Variants in CYGB observed in about 807,000 individuals in gnomAD.
CYGB encodes the protein histoglobin.
In CYGB, 13 loss-of-function variants were observed where a neutral mutation model predicts 20.7. The ratio of observed to expected loss-of-function variants is 0.63; its 90% CI spans 0.41 to 1.00. The LOEUF is 1.00. Among genes scored for constraint, CYGB ranks in the 50% least tolerant of loss-of-function variants. The probability of loss-of-function intolerance (pLI) is 0.00; values close to 1 mark genes in which losing one functional copy is unlikely to be tolerated. For missense variants in CYGB, 218 were observed against 257.2 expected (o/e 0.85, Z 1.04); for synonymous variants, 93 against 107.4 (o/e 0.87, Z 0.83).
chr17:76,529,047 C>G (rs942701616), intron 3 of CYGB: 4 of 327,468 alleles, frequency 1.2e-5, no homozygotes, highest in Non-Finnish European at 1.4e-5. Context: ...TCATTGCGCC[C>G]CCCCCCCACC....
chr17:76,542,586 TGCAGGTG>T, upstream of CYGB: 1 of 1,614,022 alleles, frequency 6.2e-7, no homozygotes, highest in Non-Finnish European at 8.5e-7. Context: ...CCCTCACCTC[TGCAGGTG>T]GGGCTCAGGC....
chr17:76,527,746 G>C lies in CYGB; in HGVS notation c.*832C>G. 2 of 454,010 alleles carry C rather than the reference G, an allele frequency of 4.4e-6. 1 individual carries two copies. Among genetic ancestry groups the C allele is most frequent in the South Asian group, 3.1e-5 (2 of 64,474 alleles). The allele number at this position is 454,010 out of a possible 1,614,324, so 28.1% of individuals were successfully genotyped here. On this transcript the variant is annotated 3_prime_UTR_variant, in exon 4 of 4. Coordinates refer to ENST00000293230, the MANE Select transcript of CYGB (RefSeq NM_134268.5). ...GGTGGCCAAGGCAGGTGGAGCTAGCGGTCGAGGTTTCTGGACTGAGGCCCC... is the reference window on the plus strand; with the variant it reads ...GGTGGCCAAGGCAGGTGGAGCTAGCCGTCGAGGTTTCTGGACTGAGGCCCC...
chr17:76,539,609 T>A (rs1018778239), upstream of CYGB, among the ~76,000 whole-genome samples: 2 of 152,206 alleles, frequency 1.3e-5, no homozygotes, highest in African/African-American at 4.8e-5. Flanking sequence ...TTGCTTCACC[T>A]CCATTCACCT....
intron 1 of CYGB, among the ~76,000 whole-genome samples, chr17:76,535,678 A>T (rs2074906158): frequency 6.6e-6 from 1 of 152,192 alleles, no homozygotes; most frequent in African/African-American, 2.4e-5. Context: ...GAACTGGAAG[A>T]GGGGTGTAGA....
Position 76,528,402 on chromosome 17 carries a change from C to T in CYGB, c.*176G>A. 1 of 524,232 alleles carries T rather than the reference C, an allele frequency of 1.9e-6. No homozygotes were observed. Among genetic ancestry groups the T allele is most frequent in the East Asian group, 3.5e-5 (1 of 28,560 alleles). The allele number at this position is 524,232 out of a possible 1,614,324, so 32.5% of individuals were successfully genotyped here. ...GGGTCAGCATCCAGGCAGCCAGCGC[C>T]GCCTCCCAGCAGCTCCAGGGGGGGA... On this transcript the variant is annotated 3_prime_UTR_variant, in exon 4 of 4. Transcript: ENST00000293230. The surrounding 1 kb of genome is among the most constrained non-coding windows in gnomAD (Gnocchi z 5.8).
At chr17:76,542,026 C>T (rs2074997839), upstream of CYGB, among the ~76,000 whole-genome samples, 2 of 152,082 alleles carry the variant, frequency 1.3e-5, no homozygotes, top group Non-Finnish European at 2.9e-5. Context: ...GCTCAGTAAC[C>T]CCAGAGGATT....
chr17:76,529,398 G>A (rs186085584), intron 3 of CYGB: 14 of 985,416 alleles, frequency 1.4e-5, no homozygotes, highest in Non-Finnish European at 1.6e-5. Context: ...AGGAGACTTC[G>A]GCCGTTTCAA....
At position 76,531,448 on chromosome 17, in the gene CYGB, G is replaced by T. The variant is rs753756272; in HGVS notation, c.375+12C>A. 6 of 1,596,952 alleles carry T rather than the reference G, an allele frequency of 3.8e-6. No homozygotes were observed. In the African/African-American group the frequency reaches 5.4e-5, roughly 14 times the overall value. On this transcript the variant is annotated intron_variant, in intron 2 of 3. Coordinates refer to ENST00000293230, the MANE Select transcript of CYGB (RefSeq NM_134268.5). This position sits in a 1 kb window ranked among gnomAD's most constrained non-coding sequence, Gnocchi z 7.4. ...GGGCGGTGGGGGCTCTGCAGCAGAT[G>T]GGGGCGCATACCTTGAAGTACACCG...
Position 76,531,455 on chromosome 17 carries a change from C to T in CYGB, c.375+5G>A, listed in dbSNP as rs1230592162. Reference sequence around the variant, plus strand: ...GGGGGCTCTGCAGCAGATGGGGGCGCATACCTTGAAGTACACCGGTTCCAC... The same window carrying T: ...GGGGGCTCTGCAGCAGATGGGGGCGTATACCTTGAAGTACACCGGTTCCAC... On this transcript the variant is annotated splice_donor_5th_base_variant and intron_variant, in intron 2 of 3. Transcript: ENST00000293230. The surrounding 1 kb of genome is among the most constrained non-coding windows in gnomAD (Gnocchi z 7.4). 1.2e-6 allele frequency: 2 copies of T among 1,601,102 alleles called. No homozygotes were observed. The highest frequency in any genetic ancestry group is 4.5e-5 in the East Asian group (2 of 44,440).
chr17:76,534,110 T>C (rs1487658638), intron 1 of CYGB, among the ~76,000 whole-genome samples: 1 of 147,978 alleles, frequency 6.8e-6, no homozygotes, highest in Non-Finnish European at 1.5e-5. Context: ...TTTCTTTCTT[T>C]CTTCTTTCTT....
In CYGB at chr17:76,537,537, C is replaced by T. The variant is rs2074933201; in HGVS notation, c.6G>A (p.Glu2=). ...CGATCTCCATCTCGCCTGGCACTTT[C>T]TCCATGAGCAGCTCCAAGCCCAGCC... M[E]KVPGEMEIER... Residue 2 remains glutamate (E), a synonymous_variant, in exon 1 of 4, where the codon GAG becomes GAA. Coordinates refer to ENST00000293230, the MANE Select transcript of CYGB (RefSeq NM_134268.5). 1 of 1,548,810 alleles carries T rather than the reference C, an allele frequency of 6.5e-7. No individual in the cohort carries two copies. The highest frequency in any genetic ancestry group is 1.9e-5 in the Admixed American group (1 of 53,382).
upstream of CYGB, among the ~76,000 whole-genome samples, chr17:76,542,276 C>T (rs551764542): frequency 1.6e-4 from 25 of 152,292 alleles, no homozygotes; most frequent in South Asian, 5.0e-3. Context: ...CAGAAGGAAG[C>T]AGTTGCCTAT....
In CYGB at chr17:76,530,420, A is replaced by G. The variant is rs563274569; in HGVS notation, c.539+559T>C. On this transcript the variant is annotated intron_variant, in intron 3 of 3. Coordinates refer to ENST00000293230, the MANE Select transcript of CYGB (RefSeq NM_134268.5). This position sits in a 1 kb window ranked among gnomAD's most constrained non-coding sequence, Gnocchi z 6.1. ...CCTCCAGGTCAGCCTGGAAGTAAAC[A>G]TGCCCCTGCTCGTGTGCGTGTGAGC... 2.5e-4 allele frequency among the ~76,000 whole-genome samples: 38 copies of G among 152,200 alleles called. No individual in the cohort carries two copies. Among genetic ancestry groups the G allele is most frequent in the African/African-American group, 7.9e-4 (33 of 41,540 alleles).
chr17:76,530,438 G>A lies in CYGB; in HGVS notation c.539+541C>T, dbSNP rs1420754760. 2.0e-5 allele frequency among the ~76,000 whole-genome samples: 3 copies of A among 150,946 alleles called. No individual in the cohort carries two copies. The highest frequency in any genetic ancestry group is 3.0e-5 in the Non-Finnish European group (2 of 67,084). ...AGTAAACATGCCCCTGCTCGTGTGCGTGTGAGCGACACCCATGTAGCTTCC... is the reference window on the plus strand; with the variant it reads ...AGTAAACATGCCCCTGCTCGTGTGCATGTGAGCGACACCCATGTAGCTTCC... On this transcript the variant is annotated intron_variant, in intron 3 of 3. Coordinates refer to ENST00000293230, the MANE Select transcript of CYGB (RefSeq NM_134268.5). This position sits in a 1 kb window ranked among gnomAD's most constrained non-coding sequence, Gnocchi z 6.1.
At chr17:76,529,114 G>T in intron 3 of CYGB, 1 of 970,468 alleles carries the variant, frequency 1.0e-6, no homozygotes, top group Non-Finnish European at 1.2e-6. Context: ...AAACAGTGGC[G>T]CCTGGCCCAC....
chr17:76,545,086 G>C (rs915292531), intron 1 of CYGB: 1 of 453,924 alleles, frequency 2.2e-6, no homozygotes, highest in African/African-American at 2.0e-5. Context: ...CCAGGGAGCA[G>C]GCTGGCTTTG....
At chr17:76,545,421 C>T (rs539142458) in intron 1 of CYGB, 111 of 455,570 alleles carry the variant, frequency 2.4e-4, no homozygotes, top group Admixed American at 7.0e-4. Context: ...TTGCAAAGAG[C>T]CGCTGCTTGG....
rs201189579 is a variant in CYGB, at chr17:76,531,453, C to A, written c.375+7G>T. ...GTGGGGGCTCTGCAGCAGATGGGGG[C>A]GCATACCTTGAAGTACACCGGTTCC... On this transcript the variant is annotated splice_region_variant and intron_variant, in intron 2 of 3. Transcript: ENST00000293230. The surrounding 1 kb of genome is among the most constrained non-coding windows in gnomAD (Gnocchi z 7.4). 2 of 1,600,644 alleles carry A rather than the reference C, an allele frequency of 1.2e-6. No individual in the cohort carries two copies. The highest frequency in any genetic ancestry group is 4.5e-5 in the East Asian group (2 of 44,446).
rs1340130799 is a variant in CYGB, at chr17:76,531,877, C to T, written c.144-186G>A. 1.8e-6 allele frequency: 1 copy of T among 558,244 alleles called. No homozygotes were observed. Among genetic ancestry groups the T allele is most frequent in the Non-Finnish European group, 3.2e-6 (1 of 315,024 alleles). 34.6% of individuals were successfully genotyped at this position (558,244 alleles called of 1,614,324 possible). On this transcript the variant is annotated intron_variant, in intron 1 of 3. Transcript: ENST00000293230. This position sits in a 1 kb window ranked among gnomAD's most constrained non-coding sequence, Gnocchi z 7.4. The stretch of plus-strand genomic sequence containing the variant: ...CTCCCTCTGGCCAAGCCGGCTCACC[C>T]CTACCAAGTCTGGCCATGTCTATCT...
Sources: allele counts gnomAD v4.1 joint callset (sites outside exome capture counted in the v4.1 genomes callset), GRCh38; gene constraint gnomAD v4.1.1; non-coding constraint Gnocchi (gnomAD v3.1); transcripts MANE v1.5; gene names NCBI Gene and HGNC (gene_info 2026-07-23, HGNC 2026-07-21).